Variants in CCSER1 observed in about 807,000 individuals in gnomAD.
CCSER1 encodes serine-rich coiled-coil domain-containing protein 1.
Under a neutral mutation model 82.0 loss-of-function variants are expected in CCSER1, and 41 were observed. That is an observed-to-expected ratio of 0.50 (90% CI 0.39 to 0.65). The LOEUF (loss-of-function observed/expected upper bound fraction) is 0.65, where lower values mean the gene tolerates loss of function less well. CCSER1 is among the 30% of genes least tolerant of loss of function. CCSER1 has a pLI of 0.00. For missense variants in CCSER1, 1,119 were observed against 1,064.2 expected, an observed-to-expected ratio of 1.05 and a Z score of -0.72; for synonymous variants, 414 against 383.9, an observed-to-expected ratio of 1.08 and a Z score of -0.92.
intron 10 of CCSER1, among the ~76,000 whole-genome samples, chr4:91,168,832 A>T (rs919309708): frequency 6.6e-6 from 1 of 152,188 alleles, no homozygotes; most frequent in South Asian, 2.1e-4. Context: ...TAGACATAGG[A>T]GACTCCATTT....
chr4:91,075,296 C>A (rs986460260), intron 9 of CCSER1, among the ~76,000 whole-genome samples: 7 of 151,568 alleles, frequency 4.6e-5, no homozygotes, highest in Admixed American at 4.6e-4. Context: ...AAATTTATAA[C>A]ATTTTGGTTT....
At chr4:90,597,625 A>G (rs1352668565) in intron 5 of CCSER1, among the ~76,000 whole-genome samples, 5 of 152,088 alleles carry the variant, frequency 3.3e-5, no homozygotes, top group African/African-American at 1.2e-4. Context: ...TAGTGAATCA[A>G]ATTACAGTAT....
chr4:90,607,049 CAGTA>C (rs1391321409), intron 5 of CCSER1, among the ~76,000 whole-genome samples: 3 of 152,226 alleles, frequency 2.0e-5, no homozygotes, highest in Admixed American at 1.3e-4. Flanking sequence ...GAGGAGAACA[CAGTA>C]AGATTAATTC....
chr4:90,528,554 C>T (rs1004193073), intron 5 of CCSER1, among the ~76,000 whole-genome samples: 1 of 152,104 alleles, frequency 6.6e-6, no homozygotes, highest in Non-Finnish European at 1.5e-5. Flanking sequence ...CTCATGGATA[C>T]TCTGGGTTAT....
chr4:90,698,537 C>A (rs1018727716), intron 6 of CCSER1, among the ~76,000 whole-genome samples: 1 of 152,132 alleles, frequency 6.6e-6, no homozygotes, highest in Non-Finnish European at 1.5e-5. Flanking sequence ...CCATGCATTT[C>A]GTCATTCTTT....
intron 10 of CCSER1, among the ~76,000 whole-genome samples, chr4:91,277,919 C>T (rs1323946063): frequency 6.6e-6 from 1 of 151,800 alleles, no homozygotes; most frequent in Non-Finnish European, 1.5e-5. Context: ...TTATTTCTTT[C>T]TTAATTGCTT....
intron 10 of CCSER1, among the ~76,000 whole-genome samples, chr4:91,292,115 T>C (rs753753986): frequency 6.6e-6 from 1 of 152,016 alleles, no homozygotes; most frequent in Non-Finnish European, 1.5e-5. Flanking sequence ...AGTTGTTGAA[T>C]GTGAACAAGA....
chr4:91,364,386 C>A (rs1019170445), intron 10 of CCSER1, among the ~76,000 whole-genome samples: 12 of 151,894 alleles, frequency 7.9e-5, no homozygotes, highest in Admixed American at 7.2e-4. Flanking sequence ...TGGTGTGGTA[C>A]TATTTAATTA....
intron 10 of CCSER1, among the ~76,000 whole-genome samples, chr4:91,519,262 C>T (rs1229568014): frequency 2.0e-5 from 3 of 152,138 alleles, no homozygotes; most frequent in Non-Finnish European, 2.9e-5. Context: ...AGTAGTCACT[C>T]GGGACTCTTC....
intron 8 of CCSER1, among the ~76,000 whole-genome samples, chr4:90,834,186 C>T (rs1761496732): frequency 1.3e-5 from 2 of 152,116 alleles, no homozygotes; most frequent in South Asian, 4.1e-4. Context: ...AGCAATCAGC[C>T]CTCATGGAAG....
chr4:90,386,629 T>C (rs1750100600), intron 3 of CCSER1, among the ~76,000 whole-genome samples: 1 of 151,842 alleles, frequency 6.6e-6, no homozygotes. Context: ...CAAAAGCAAA[T>C]AAAAATAAAT....
chr4:90,131,906 C>T (rs1274649835), intron 1 of CCSER1, among the ~76,000 whole-genome samples: 1 of 152,060 alleles, frequency 6.6e-6, no homozygotes, highest in East Asian at 1.9e-4. Context: ...TGCATTTCTT[C>T]ATTTCAAGAA....
chr4:91,430,669 G>T (rs565826761), intron 10 of CCSER1, among the ~76,000 whole-genome samples: 3 of 151,346 alleles, frequency 2.0e-5, no homozygotes, highest in African/African-American at 7.2e-5. Context: ...GCAAAACAAA[G>T]AATATCATTC....
At chr4:91,397,818 C>A (rs746326336) in intron 10 of CCSER1, among the ~76,000 whole-genome samples, 8 of 151,864 alleles carry the variant, frequency 5.3e-5, no homozygotes, top group Non-Finnish European at 1.0e-4. Flanking sequence ...AATGTGAAAG[C>A]AAATGTGATG....
intron 5 of CCSER1, among the ~76,000 whole-genome samples, chr4:90,596,240 G>T (rs1783316528): frequency 6.6e-6 from 1 of 151,680 alleles, no homozygotes; most frequent in African/African-American, 2.4e-5. Flanking sequence ...AAATTTAAAT[G>T]AAAATATTAA....
At chr4:91,088,032 A>T (rs1468222328) in intron 10 of CCSER1, among the ~76,000 whole-genome samples, 1 of 152,130 alleles carries the variant, frequency 6.6e-6, no homozygotes, top group East Asian at 1.9e-4. Flanking sequence ...CTTGCTTAAG[A>T]AATGGGACGT....
intron 9 of CCSER1, among the ~76,000 whole-genome samples, chr4:90,950,106 A>C (rs934484851): frequency 6.6e-6 from 1 of 152,124 alleles, no homozygotes; most frequent in Non-Finnish European, 1.5e-5. Context: ...GAGGATGGAG[A>C]TGTGCAAGAA....
At chr4:90,461,639 C>G (rs1396796910) in intron 4 of CCSER1, among the ~76,000 whole-genome samples, 2 of 152,138 alleles carry the variant, frequency 1.3e-5, no homozygotes, top group Admixed American at 6.5e-5. Flanking sequence ...TTAGCACACT[C>G]TTTCCTGTGC....
intron 3 of CCSER1, among the ~76,000 whole-genome samples, chr4:90,373,557 T>C (rs1024900793): frequency 6.6e-6 from 1 of 152,220 alleles, no homozygotes; most frequent in Admixed American, 6.5e-5. Flanking sequence ...TCCATTATTT[T>C]TCATTTTAAT....
Sources: gnomAD v4.1 joint callset for allele counts (sites outside exome capture counted in the v4.1 genomes callset) on GRCh38, gnomAD v4.1.1 for gene constraint, MANE v1.5 for transcripts, NCBI Gene and HGNC (gene_info 2026-07-23, HGNC 2026-07-21) for gene names.